The following CRB1 variants were observed in gnomAD, a reference collection of about 807,000 sequenced individuals.
CRB1 encodes protein crumbs homolog 1.
A neutral mutation model predicts 120.0 loss-of-function variants in CRB1; 83 were observed. The ratio of observed to expected loss-of-function variants is 0.69; its 90% CI spans 0.58 to 0.83. The LOEUF (loss-of-function observed/expected upper bound fraction) is 0.83, where lower values mean the gene tolerates loss of function less well. Ranked by LOEUF, CRB1 falls within the 40% of genes least tolerant of loss-of-function variation. The pLI, the probability that CRB1 is intolerant of heterozygous loss-of-function variation, is 0.00. For synonymous variants in CRB1, 625 were observed against 612.5 expected, an observed-to-expected ratio of 1.02 and a Z score of -0.30; for missense variants, 1,699 against 1,687.6, an observed-to-expected ratio of 1.01 and a Z score of -0.12.
At chr1:197,379,808 C>A (rs1661854834) in intron 5 of CRB1, among the ~76,000 whole-genome samples, 1 of 152,062 alleles carries the variant, frequency 6.6e-6, no homozygotes, top group South Asian at 2.1e-4. Context: ...ACTGGGTAAG[C>A]TTTGGCAAAC....
the CRB1 span, chr1:197,222,724 C>A: frequency 1.2e-6 from 1 of 853,234 alleles, no homozygotes; most frequent in Non-Finnish European, 2.1e-6. Context: ...CCCCTGAATT[C>A]TCTGAGTAGG....
At chr1:197,453,539 TAGAGAGAG>T (rs1181738570) in intron 11 of CRB1, among the ~76,000 whole-genome samples, 6 of 58,512 alleles carry the variant, frequency 1.0e-4, no homozygotes, top group Admixed American at 2.7e-4. Context: ...TATATATATA[TAGAGAGAG>T]AGACAGAGAG....
chr1:197,456,732 T>G (rs1360652674), intron 11 of CRB1, among the ~76,000 whole-genome samples: 1 of 152,174 alleles, frequency 6.6e-6, no homozygotes, highest in East Asian at 1.9e-4. Context: ...TTACCATGCC[T>G]AGCTCAGAGC....
At chr1:197,392,049 G>A (rs1329905380) in intron 5 of CRB1, among the ~76,000 whole-genome samples, 1 of 151,972 alleles carries the variant, frequency 6.6e-6, no homozygotes, top group Admixed American at 6.6e-5. Context: ...GGCTTACAAG[G>A]CTGGTACAGC....
the CRB1 span, among the ~76,000 whole-genome samples, chr1:197,262,759 TATAAGTAAGAAC>T: frequency 6.6e-6 from 1 of 152,178 alleles, no homozygotes; most frequent in Non-Finnish European, 1.5e-5. Flanking sequence ...AGCTCCCACT[TATAAGTAAGAAC>T]ATGCAGTATT....
chr1:197,263,273 A>G (rs950925955), upstream of CRB1, among the ~76,000 whole-genome samples: 2 of 152,074 alleles, frequency 1.3e-5, no homozygotes, highest in African/African-American at 2.4e-5. Flanking sequence ...CATTTCTCTG[A>G]TGATCAGTGA....
intron 5 of CRB1, among the ~76,000 whole-genome samples, chr1:197,390,764 C>T (rs1293890388): frequency 2.6e-5 from 4 of 151,902 alleles, no homozygotes; most frequent in African/African-American, 9.7e-5. Flanking sequence ...AATTTTCCTT[C>T]CTCATCCCAT....
chr1:197,393,239 T>C (rs1429317950), intron 5 of CRB1, among the ~76,000 whole-genome samples: 1 of 152,078 alleles, frequency 6.6e-6, no homozygotes, highest in Non-Finnish European at 1.5e-5. Context: ...GCACAATGTG[T>C]TATCTTTCTT....
At position 197,428,956 on chromosome 1, in the gene CRB1, A is replaced by G. The variant is rs7534863; in HGVS notation, c.2677-493A>G. On this transcript the variant is annotated intron_variant, in intron 7 of 11. Transcript: ENST00000367400. ...ACCTTGTGAGAACTCAAATAATAATACTATGTCTCTGATTCAGAGGCAGAC... is the reference window on the plus strand; with the variant it reads ...ACCTTGTGAGAACTCAAATAATAATGCTATGTCTCTGATTCAGAGGCAGAC... 760,486 of 1,524,662 alleles carry G rather than the reference A, an allele frequency of 0.5. 195,994 individuals carry two copies. The highest frequency in any genetic ancestry group is 0.54 in the Non-Finnish European group (613,849 of 1,138,698). The allele number at this position is 1,524,662 out of a possible 1,614,324, so 94.4% of individuals were successfully genotyped here.
intron 10 of CRB1, chr1:197,440,746 A>G (rs547968725): frequency 1.3e-5 from 2 of 152,302 alleles, no homozygotes; most frequent in African/African-American, 4.8e-5. Flanking sequence ...GCTATCCTCA[A>G]ATAAATTGGC....
At chr1:197,375,591 C>G (rs761590421) in intron 5 of CRB1, among the ~76,000 whole-genome samples, 9 of 152,126 alleles carry the variant, frequency 5.9e-5, no homozygotes, top group Non-Finnish European at 8.8e-5. Context: ...ACCTACCTAT[C>G]TATCTGTCAC....
intron 8 of CRB1, among the ~76,000 whole-genome samples, chr1:197,432,816 G>A (rs35959045): frequency 6.6e-6 from 1 of 152,074 alleles, no homozygotes; most frequent in Non-Finnish European, 1.5e-5. Flanking sequence ...CTTCTCAGAG[G>A]AGGTGACATT....
At chr1:197,428,932 C>A (rs746038710) in intron 7 of CRB1, 160 of 1,512,772 alleles carry the variant, frequency 1.1e-4, no homozygotes, top group Admixed American at 1.4e-4. Flanking sequence ...TTGTGAGCAA[C>A]CTTGTGAGAA....
At chr1:197,249,292 C>T in the CRB1 span, among the ~76,000 whole-genome samples, 3,489 of 151,900 alleles carry the variant, frequency 0.023, 69 homozygotes, top group Middle Eastern at 0.034. Context: ...GATGGACATA[C>T]ATTTTTTTTT....
At chr1:197,463,868 T>C (rs2125552151) in intron 11 of CRB1, among the ~76,000 whole-genome samples, 1 of 152,294 alleles carries the variant, frequency 6.6e-6, no homozygotes, top group South Asian at 2.1e-4. Context: ...CTGGATCGAA[T>C]GCTCAAAGAA....
At chr1:197,211,500 C>A in the CRB1 span, among the ~76,000 whole-genome samples, 1 of 152,126 alleles carries the variant, frequency 6.6e-6, no homozygotes, top group Non-Finnish European at 1.5e-5. Flanking sequence ...CCTCACATGG[C>A]AGAAGAGGTG....
At chr1:197,473,853 C>CA (rs1158991859) in intron 11 of CRB1, among the ~76,000 whole-genome samples, 12,374 of 117,506 alleles carry the variant, frequency 0.11, 1,630 homozygotes, top group African/African-American at 0.33. Context: ...AATAGTGGAG[C>CA]AAAAAAAAAA....
chr1:197,389,021 A>G (rs1662358118), intron 5 of CRB1, among the ~76,000 whole-genome samples: 1 of 152,140 alleles, frequency 6.6e-6, no homozygotes, highest in Non-Finnish European at 1.5e-5. Flanking sequence ...CTTCATTCCC[A>G]TTAGGATGGC....
chr1:197,296,170 A>G (rs1656505524), intron 1 of CRB1, among the ~76,000 whole-genome samples: 3 of 152,034 alleles, frequency 2.0e-5, no homozygotes. Context: ...TTCATAGTAT[A>G]TTAACAAGAA....
Sources: gnomAD v4.1 joint callset for allele counts (sites outside exome capture counted in the v4.1 genomes callset) on GRCh38, gnomAD v4.1.1 for gene constraint, MANE v1.5 for transcripts, NCBI Gene and HGNC (gene_info 2026-07-23, HGNC 2026-07-21) for gene names.